The following GIPC2 variants were observed in gnomAD, a reference collection of about 807,000 sequenced individuals.
GIPC2 encodes the protein PDZ domain-containing protein GIPC2.
Under a neutral mutation model 30.6 loss-of-function variants are expected in GIPC2, and 30 were observed. That is an observed-to-expected ratio of 0.98 (90% confidence interval 0.73 to 1.33). GIPC2 has a LOEUF of 1.33. GIPC2 is among the 40% of genes most tolerant of loss of function. GIPC2 has a pLI of 0.00. For synonymous variants in GIPC2, 167 were observed against 150.0 expected (o/e 1.11, Z -0.83); for missense variants, 414 against 390.3 (o/e 1.06, Z -0.51).
intron 2 of GIPC2, chr1:78,094,665 G>A (rs1662103494): frequency 4.8e-6 from 1 of 209,732 alleles, no homozygotes; most frequent in Non-Finnish European, 9.6e-6. Flanking sequence ...TAAGGAAGAC[G>A]AAGAATGGTT....
chr1:78,085,532 G>C (rs547227860), intron 2 of GIPC2, among the ~76,000 whole-genome samples: 26 of 150,074 alleles, frequency 1.7e-4, no homozygotes, highest in Admixed American at 1.5e-3. Context: ...GAATTCAGTT[G>C]TGAATCCATC....
chr1:78,045,802 C>G, upstream of GIPC2: 1 of 1,178,318 alleles, frequency 8.5e-7, no homozygotes, highest in Non-Finnish European at 1.0e-6. Flanking sequence ...CTCAGGCGTT[C>G]ACGTAAATAG....
chr1:78,073,510 A>T (rs1263803315), intron 1 of GIPC2, among the ~76,000 whole-genome samples: 1 of 152,146 alleles, frequency 6.6e-6, no homozygotes, highest in East Asian at 1.9e-4. Flanking sequence ...GAGATGTAGG[A>T]GGGTAGTCAT....
chr1:78,050,309 G>GC (rs1400851440), intron 1 of GIPC2, among the ~76,000 whole-genome samples: 1 of 151,964 alleles, frequency 6.6e-6, no homozygotes, highest in African/African-American at 2.4e-5. Context: ...TTCAATAAAA[G>GC]CCTCAGACTT....
chr1:78,112,583 G>T (rs779055105), intron 3 of GIPC2: 3 of 517,824 alleles, frequency 5.8e-6, no homozygotes, highest in African/African-American at 5.8e-5. Flanking sequence ...CGTTCTGTGC[G>T]GAAGTGGGGA....
At chr1:78,051,188 A>G (rs983885736) in intron 1 of GIPC2, among the ~76,000 whole-genome samples, 2 of 140,758 alleles carry the variant, frequency 1.4e-5, no homozygotes, top group Non-Finnish European at 3.2e-5. Context: ...TGTAAAATGT[A>G]AAAAAAAAAA....
intron 4 of GIPC2, among the ~76,000 whole-genome samples, chr1:78,123,842 C>T (rs1328426629): frequency 2.0e-5 from 3 of 152,192 alleles, no homozygotes; most frequent in Non-Finnish European, 4.4e-5. Flanking sequence ...TGTTAATTTG[C>T]ATAGCCTGTT....
chr1:78,095,043 G>A lies in GIPC2; in HGVS notation c.518G>A (p.Trp173Ter). The A allele has an allele frequency of 6.2e-7, 1 of 1,606,908 alleles. No individual in the cohort carries two copies. The highest frequency in any genetic ancestry group is 8.5e-7 in the Non-Finnish European group (1 of 1,173,564). ...ESINGENIVG[W>*]RHYDVAKKLK... ...ATAAATGGAGAAAATATTGTTGGGT[G>A]GCGTCACTATGATGTTGCTAAGAAG... Residue 173 changes from tryptophan (W) to a stop codon, truncating the protein, a stop_gained, in exon 3 of 6, where the codon TGG becomes TAG. Coordinates refer to ENST00000370759, the MANE Select transcript of GIPC2 (RefSeq NM_017655.6). LOFTEE classifies it high-confidence loss of function.
chr1:78,110,832 A>G (rs568308118), intron 3 of GIPC2, among the ~76,000 whole-genome samples: 1 of 152,322 alleles, frequency 6.6e-6, no homozygotes, highest in Admixed American at 6.5e-5. Context: ...AGAATGAAGC[A>G]TGGGAGCCCA....
At chr1:78,101,407 A>ACAC (rs1557543072) in intron 3 of GIPC2, among the ~76,000 whole-genome samples, 4 of 152,242 alleles carry the variant, frequency 2.6e-5, no homozygotes, top group Non-Finnish European at 1.5e-5. Flanking sequence ...TTAGAACACA[A>ACAC]AGTAGAATAG....
chr1:78,134,667 A>G (rs1437999751), intron 5 of GIPC2, among the ~76,000 whole-genome samples: 1 of 152,180 alleles, frequency 6.6e-6, no homozygotes, highest in Non-Finnish European at 1.5e-5. Context: ...GGGAAGAGGC[A>G]TAGCTTTTAT....
intron 2 of GIPC2, among the ~76,000 whole-genome samples, chr1:78,082,890 C>G (rs1442582736): frequency 6.6e-6 from 1 of 152,082 alleles, no homozygotes; most frequent in Non-Finnish European, 1.5e-5. Context: ...TTATCCAAAT[C>G]TCCAATTTTT....
Position 78,046,003 on chromosome 1 carries a change from C to A in GIPC2, c.-92C>A, listed in dbSNP as rs1369949827. ...GGCTGCCATTGGAGGCTGCTTTTAC[C>A]TGCGCGGGGCCCGGGGCGCAAAGTC... is the stretch of plus-strand genomic sequence containing the variant. On this transcript the variant is annotated 5_prime_UTR_variant, in exon 1 of 6. In the 5' UTR this introduces an upstream ATG that the reference lacks. Transcript: ENST00000370759. 1 of 1,392,864 alleles carries A rather than the reference C, an allele frequency of 7.2e-7. No homozygotes were observed. The highest frequency in any genetic ancestry group is 9.3e-7 in the Non-Finnish European group (1 of 1,076,470). The allele number at this position is 1,392,864 out of a possible 1,614,324, so 86.3% of individuals were successfully genotyped here. A position where few individuals can be genotyped will look rare whatever the true frequency, so the allele number is the denominator to read the frequency against.
intron 1 of GIPC2, among the ~76,000 whole-genome samples, chr1:78,077,091 G>T (rs748382244): frequency 6.6e-6 from 1 of 152,174 alleles, no homozygotes; most frequent in Admixed American, 6.5e-5. Flanking sequence ...AAAGACATGA[G>T]ATTCTAAAGC....
At chr1:78,055,060 G>C (rs1661263091) in intron 1 of GIPC2, among the ~76,000 whole-genome samples, 1 of 152,178 alleles carries the variant, frequency 6.6e-6, no homozygotes, top group South Asian at 2.1e-4. Context: ...CAAAAACTGA[G>C]TTGCTTCTAA....
intron 1 of GIPC2, among the ~76,000 whole-genome samples, chr1:78,077,720 A>C (rs1358349919): frequency 6.6e-6 from 1 of 152,198 alleles, no homozygotes; most frequent in Non-Finnish European, 1.5e-5. Context: ...TCTGGAAGCA[A>C]ATATTTCTTA....
intron 5 of GIPC2, among the ~76,000 whole-genome samples, chr1:78,127,488 C>T (rs1350947491): frequency 1.3e-5 from 2 of 152,170 alleles, no homozygotes; most frequent in Non-Finnish European, 2.9e-5. Context: ...GGGGATTTGG[C>T]TATTACCTGT....
At chr1:78,045,291 G>A (rs750261301), upstream of GIPC2, among the ~76,000 whole-genome samples, 1 of 152,162 alleles carries the variant, frequency 6.6e-6, no homozygotes, top group Non-Finnish European at 1.5e-5. Context: ...TGTAAAAAGC[G>A]TAGTTGGAGG....
intron 1 of GIPC2, among the ~76,000 whole-genome samples, chr1:78,072,185 A>G (rs1381857537): frequency 1.3e-5 from 2 of 152,246 alleles, no homozygotes; most frequent in Non-Finnish European, 2.9e-5. Flanking sequence ...GAGGTAACAT[A>G]TGAAAGTAGC....
Sources: allele counts gnomAD v4.1 joint callset (sites outside exome capture counted in the v4.1 genomes callset), GRCh38; gene constraint gnomAD v4.1.1; transcripts MANE v1.5; gene names NCBI Gene and HGNC (gene_info 2026-07-23, HGNC 2026-07-21).